Variants in ADGRA2 observed in about 807,000 individuals in gnomAD.
The protein encoded by ADGRA2 is adhesion G protein-coupled receptor A2.
ADGRA2 carries 61 observed loss-of-function variants against 98.7 expected under a neutral mutation model. That is an observed-to-expected ratio of 0.62 (90% CI 0.50 to 0.76). ADGRA2 has a LOEUF of 0.76. Among genes scored for constraint, ADGRA2 ranks in the 30% least tolerant of loss-of-function variants. The probability of loss-of-function intolerance (pLI) is 0.00; values close to 1 mark genes in which losing one functional copy is unlikely to be tolerated. For synonymous variants in ADGRA2, 858 were observed against 831.5 expected (o/e 1.03, Z -0.55); for missense variants, 1,712 against 1,860.0 (o/e 0.92, Z 1.46).
At chr8:37,809,980 C>T (rs1214083024) in intron 1 of ADGRA2, among the ~76,000 whole-genome samples, 2 of 152,162 alleles carry the variant, frequency 1.3e-5, no homozygotes, top group South Asian at 2.1e-4. Context: ...GCTCTGCTGC[C>T]GCCCTGCACA....
chr8:37,838,632 T>A (rs1369751125), intron 14 of ADGRA2, among the ~76,000 whole-genome samples: 1 of 152,120 alleles, frequency 6.6e-6, no homozygotes, highest in Admixed American at 6.6e-5. Context: ...TCGTGGCACG[T>A]GGTACTGCCA....
Position 37,844,820 on chromosome 8 carries a change from A to G in ADGRA2, c.*2465A>G. The stretch of plus-strand genomic sequence containing the variant: ...CTTCTGCTGTCCCATCCCGAAAGGC[A>G]GAGCGGACCAGTGACTGGCGGTGCT... On this transcript the variant is annotated 3_prime_UTR_variant, in exon 19 of 19. Transcript: ENST00000412232. 6.2e-7 allele frequency: 1 copy of G among 1,614,142 alleles called. No homozygotes were observed. The highest frequency in any genetic ancestry group is 8.5e-7 in the Non-Finnish European group (1 of 1,180,008).
chr8:37,797,433 C>T lies in ADGRA2; in HGVS notation c.165C>T (p.Ser55=). The T allele has an allele frequency of 7.1e-7, 1 of 1,418,146 alleles. No homozygotes were observed. Among genetic ancestry groups the T allele is most frequent in the Non-Finnish European group, 9.2e-7 (1 of 1,084,064 alleles). The allele number at this position is 1,418,146 out of a possible 1,614,324, so 87.8% of individuals were successfully genotyped here. A position where few individuals can be genotyped will look rare whatever the true frequency, so the allele number is the denominator to read the frequency against. Residue 55 remains serine, a synonymous_variant, in exon 1 of 19, where the codon AGC becomes AGT. Coordinates refer to ENST00000412232, the MANE Select transcript of ADGRA2 (RefSeq NM_032777.10). This position sits in a 1 kb window ranked among gnomAD's most constrained non-coding sequence, Gnocchi z 5.3. ...CGGGGGAGCGGCCCAAGGGGCTGAG[C>T]GGCGGCGTCCCTGGCCCGGCTCGGC... is the stretch of plus-strand genomic sequence containing the variant. The part of the protein sequence containing the change: ...KCSGERPKGL[S]GGVPGPARRR...
At chr8:37,824,288 C>T (rs1175102191) in intron 2 of ADGRA2, among the ~76,000 whole-genome samples, 1 of 151,942 alleles carries the variant, frequency 6.6e-6, no homozygotes, top group Non-Finnish European at 1.5e-5. Flanking sequence ...CTTGGCCACC[C>T]AGAGTGCTGG....
chr8:37,838,995 G>A lies in ADGRA2; in HGVS notation c.2299G>A (p.Ala767Thr). The change falls in exon 15 of 19, where the codon GCA becomes ACA. Residue 767 changes from alanine (A) to threonine (T), a missense_variant. Coordinates refer to ENST00000412232, the MANE Select transcript of ADGRA2 (RefSeq NM_032777.10). ...TCCCAGGGAGGTGGGGGGCGCCGGG[G>A]CAGGGCTGCACCCCGTGGTATACCC... ...AFPREVGGAG[A>T]GLHPVVYPCT... The A allele has an allele frequency of 6.3e-7, 1 of 1,586,210 alleles. No homozygotes were observed. The highest frequency in any genetic ancestry group is 8.6e-7 in the Non-Finnish European group (1 of 1,166,456).
At position 37,833,114 on chromosome 8, in the gene ADGRA2, G is replaced by C; in HGVS notation, c.1202G>C (p.Arg401Pro). ...GGTGCCCCGGGCACCCGAGCCTCCC[G>C]CCGGTGTGACCGTGCCGGCCGCTGG... Reference protein sequence around the residue: ...GGGAPGTRASRRCDRAGRWEP... With the variant: ...GGGAPGTRASPRCDRAGRWEP... The change falls in exon 9 of 19, where the codon CGC (arginine) becomes CCC (proline). Residue 401 changes from arginine to proline, a missense_variant. Arg to Pro is a moderately radical substitution (Grantham distance 103, BLOSUM62 -2). Transcript: ENST00000412232. 6.2e-7 allele frequency: 1 copy of C among 1,612,858 alleles called. No individual in the cohort carries two copies. The highest frequency in any genetic ancestry group is 8.5e-7 in the Non-Finnish European group (1 of 1,179,802).
intron 1 of ADGRA2, among the ~76,000 whole-genome samples, chr8:37,799,373 T>TAAAA (rs745339505): frequency 8.0e-6 from 1 of 124,272 alleles, no homozygotes; most frequent in African/African-American, 3.0e-5. Context: ...AGACTCCGTA[T>TAAAA]AAAAAAAAAA....
intron 2 of ADGRA2, among the ~76,000 whole-genome samples, chr8:37,816,744 C>T (rs867866819): frequency 1.4e-4 from 21 of 151,910 alleles, no homozygotes; most frequent in African/African-American, 4.6e-4. Flanking sequence ...GGTAAAACCC[C>T]ATCTCTACTA....
Position 37,837,858 on chromosome 8 carries a change from G to C in ADGRA2, c.2178G>C (p.Ser726=), listed in dbSNP as rs1468607190. 1 of 1,507,972 alleles carries C rather than the reference G, an allele frequency of 6.6e-7. No individual in the cohort carries two copies. Among genetic ancestry groups the C allele is most frequent in the East Asian group, 2.5e-5 (1 of 40,758 alleles). 93.4% of individuals were successfully genotyped at this position (1,507,972 alleles called of 1,614,324 possible). A position where few individuals can be genotyped will look rare whatever the true frequency, so the allele number is the denominator to read the frequency against. Reference sequence around the variant, plus strand: ...CCGGGGAGGCTGGGGGCTGGACCTCGGAGGGCTGCCAGCTCCGCTCCAGCC... The same window carrying C: ...CCGGGGAGGCTGGGGGCTGGACCTCCGAGGGCTGCCAGCTCCGCTCCAGCC... ...EGPGEAGGWT[S]EGCQLRSSQP... The change falls in exon 14 of 19, where the codon TCG becomes TCC. Residue 726 remains serine, a synonymous_variant. Transcript: ENST00000412232.
chr8:37,802,823 G>A lies in ADGRA2; in HGVS notation c.266+5289G>A, dbSNP rs142837866. Among the ~76,000 whole-genome samples the A allele has an allele frequency of 2.2e-3, 335 of 152,304 alleles. 2 individuals are homozygous for A. The highest frequency in any genetic ancestry group is 3.1e-3 in the Non-Finnish European group (209 of 68,012). ...TGGGCAGAGCTCAGAGCTCTCTGGGGCTCACTGGTTGAATGAAGAAAACTG... is the reference window on the plus strand; with the variant it reads ...TGGGCAGAGCTCAGAGCTCTCTGGGACTCACTGGTTGAATGAAGAAAACTG... On this transcript the variant is annotated intron_variant, in intron 1 of 18. Coordinates refer to ENST00000412232, the MANE Select transcript of ADGRA2 (RefSeq NM_032777.10). The surrounding 1 kb of genome is among the most constrained non-coding windows in gnomAD (Gnocchi z 4.7).
intron 13 of ADGRA2, 136 bp downstream of exon 13, chr8:37,835,906 TTTTCC>T (rs1379500784): frequency 6.3e-6 from 4 of 636,274 alleles, no homozygotes; most frequent in Non-Finnish European, 1.1e-5. Flanking sequence ...GTCTCTCACC[TTTTCC>T]CAACAGGGCA....
chr8:37,816,024 G>T (rs7823249), intron 2 of ADGRA2, among the ~76,000 whole-genome samples: 43,747 of 152,090 alleles, frequency 0.29, 7,067 homozygotes, highest in African/African-American at 0.41. Flanking sequence ...GCCCAAATGG[G>T]TCAGCGCAAT....
intron 1 of ADGRA2, among the ~76,000 whole-genome samples, chr8:37,806,527 T>TA (rs1491215812): frequency 2.9e-5 from 3 of 104,056 alleles, no homozygotes; most frequent in Non-Finnish European, 1.9e-5. Flanking sequence ...TTTCTTTTTC[T>TA]TTTTTTTTTT....
Position 37,844,569 on chromosome 8 carries a change from C to A in ADGRA2, c.*2214C>A, listed in dbSNP as rs144896527. On this transcript the variant is annotated 3_prime_UTR_variant, in exon 19 of 19. Coordinates refer to ENST00000412232, the MANE Select transcript of ADGRA2 (RefSeq NM_032777.10). The stretch of plus-strand genomic sequence containing the variant: ...AAAGTCCCTAACTTCCTGAGGGGTA[C>A]GCAAATACTGTTCTATTTCACTATC... 2.5e-6 allele frequency: 4 copies of A among 1,613,874 alleles called. No homozygotes were observed. Among genetic ancestry groups the A allele is most frequent in the African/African-American group, 1.3e-5 (1 of 74,864 alleles).
chr8:37,829,031 C>A, intron 3 of ADGRA2, 72 bp downstream of exon 3: 3 of 862,726 alleles, frequency 3.5e-6, no homozygotes, highest in Admixed American at 3.0e-5. Flanking sequence ...CTGCTCCATG[C>A]CCACCCCCTT....
intron 8 of ADGRA2, among the ~76,000 whole-genome samples, chr8:37,831,810 A>G (rs916638791): frequency 7.2e-5 from 11 of 152,230 alleles, no homozygotes; most frequent in Non-Finnish European, 1.6e-4. Context: ...CACGCCTACA[A>G]TCCCAGCACT....
chr8:37,837,593 G>T (rs1349711121), intron 13 of ADGRA2, 138 bp from the exon 14 acceptor site: 2 of 713,800 alleles, frequency 2.8e-6, no homozygotes, highest in Non-Finnish European at 2.4e-6. Flanking sequence ...CTCACCGCAT[G>T]CCCCCAGCCC....
In ADGRA2 at chr8:37,841,801, G is replaced by T; in HGVS notation, c.3463G>T (p.Gly1155Trp). 1 of 1,531,108 alleles carries T rather than the reference G, an allele frequency of 6.5e-7. No individual in the cohort carries two copies. The highest frequency in any genetic ancestry group is 1.4e-5 in the African/African-American group (1 of 72,096). The allele number at this position is 1,531,108 out of a possible 1,614,324, so 94.8% of individuals were successfully genotyped here. The change falls in exon 19 of 19, where the codon GGG becomes TGG. Residue 1155 changes from glycine to tryptophan, a missense_variant. Gly to Trp is a radical substitution (Grantham distance 184). Transcript: ENST00000412232. This position sits in a 1 kb window ranked among gnomAD's most constrained non-coding sequence, Gnocchi z 5.0. ...QVCEAGAAAG[G>W]EGEPEPAGTR... ...GTGCGAGGCGGGGGCGGCGGCCGGC[G>T]GGGAAGGAGAGCCGGAGCCGGCGGG...
At chr8:37,822,442 C>T (rs1323125378) in intron 2 of ADGRA2, among the ~76,000 whole-genome samples, 1 of 141,548 alleles carries the variant, frequency 7.1e-6, no homozygotes, top group African/African-American at 2.9e-5. Flanking sequence ...TGCTCTTTAA[C>T]GGCTCTAGTG....
Sources: allele counts gnomAD v4.1 joint callset (sites outside exome capture counted in the v4.1 genomes callset), GRCh38; gene constraint gnomAD v4.1.1; non-coding constraint Gnocchi (gnomAD v3.1); transcripts MANE v1.5; gene names NCBI Gene and HGNC (gene_info 2026-07-23, HGNC 2026-07-21).